The following SLC1A3 variants were observed in gnomAD, a reference collection of about 807,000 sequenced individuals.
SLC1A3 encodes excitatory amino acid transporter 1.
Under a neutral mutation model 48.1 loss-of-function variants are expected in SLC1A3, and 21 were observed. The ratio of observed to expected loss-of-function variants is 0.44; its 90% CI spans 0.31 to 0.63. The LOEUF (loss-of-function observed/expected upper bound fraction) is 0.63, where lower values mean the gene tolerates loss of function less well. SLC1A3 is among the 20% of genes least tolerant of loss of function. The pLI is 0.08. For synonymous variants in SLC1A3, 239 were observed against 251.4 expected (o/e 0.95, Z 0.47); for missense variants, 546 against 689.0 (o/e 0.79, Z 2.32).
At chr5:36,597,715 G>T (rs967020358) in intron 1 of SLC1A3, among the ~76,000 whole-genome samples, 2 of 152,022 alleles carry the variant, frequency 1.3e-5, no homozygotes, top group Admixed American at 6.5e-5. Flanking sequence ...CCCCCTTGCT[G>T]GTCCCCTCAC....
intron 3 of SLC1A3, 34 bp downstream of exon 3, chr5:36,629,621 T>A (rs1338651624): frequency 6.3e-7 from 1 of 1,597,850 alleles, no homozygotes; most frequent in East Asian, 2.2e-5. Context: ...GTTTGGTTTT[T>A]TTTAAGTGTG....
chr5:36,619,136 AC>A (rs1037897986), intron 2 of SLC1A3, among the ~76,000 whole-genome samples: 1 of 152,180 alleles, frequency 6.6e-6, no homozygotes, highest in African/African-American at 2.4e-5. Context: ...AACAGGAAAT[AC>A]CAAAGGACAA....
intron 3 of SLC1A3, among the ~76,000 whole-genome samples, chr5:36,656,728 T>C (rs914913663): frequency 2.0e-5 from 3 of 152,244 alleles, no homozygotes; most frequent in East Asian, 1.9e-4. Flanking sequence ...TTAATTATTC[T>C]CACCTGCTGA....
rs1328200358 is a variant in SLC1A3 at position 36,617,705 on chromosome 5, C to A, written c.181+9101C>A. Among the ~76,000 whole-genome samples the A allele has an allele frequency of 2.6e-5, 4 of 151,990 alleles. No homozygotes were observed. The East Asian group carries it at 7.7e-4, about 29-fold the overall frequency. On this transcript the variant is annotated intron_variant, in intron 2 of 9. Transcript: ENST00000265113. ...CTTGCTTTTTTCACTTTACAATATA[C>A]CTGGGATATTATTCCTTAGCACGTA... is the stretch of plus-strand genomic sequence containing the variant.
chr5:36,661,464 C>CT lies in SLC1A3; in HGVS notation c.320-9557dup, dbSNP rs113785248. Among the ~76,000 whole-genome samples, 259 of 152,224 alleles carry CT rather than the reference C, an allele frequency of 1.7e-3. 5 individuals carry two copies. The highest frequency in any genetic ancestry group is 5.9e-3 in the African/African-American group (245 of 41,530). ...GTGAACATGTTTTATTCACTAGTTG[C>CT]TTTTTTTTCTTTAAAGAAATACATC... On this transcript the variant is annotated intron_variant, in intron 3 of 9. Coordinates refer to ENST00000265113, the MANE Select transcript of SLC1A3 (RefSeq NM_004172.5).
chr5:36,673,873 G>A (rs1240533140), intron 4 of SLC1A3, among the ~76,000 whole-genome samples, 176 bp from the exon 5 acceptor site: 2 of 152,118 alleles, frequency 1.3e-5, no homozygotes, highest in African/African-American at 2.4e-5. Flanking sequence ...AACTACATGG[G>A]CCACACTTAG....
At chr5:36,664,424 T>C (rs113579313) in intron 3 of SLC1A3, among the ~76,000 whole-genome samples, 20,135 of 79,258 alleles carry the variant, frequency 0.25, 1,569 homozygotes, top group Non-Finnish European at 0.39. Context: ...TGAGCCACCA[T>C]GCCCGGCCCA....
Position 36,617,186 on chromosome 5 carries a change from G to A in SLC1A3, c.181+8582G>A, listed in dbSNP as rs74321267. ...CCTTGTCTCCAAAAAAAAAGAAAGC[G>A]GTTTGGTCAGAAAGTGATCTACTCA... On this transcript the variant is annotated intron_variant, in intron 2 of 9. Transcript: ENST00000265113. Among the ~76,000 whole-genome samples the A allele has an allele frequency of 9.7e-3, 1,470 of 152,162 alleles. 13 individuals are homozygous for A. The highest frequency in any genetic ancestry group is 0.016 in the South Asian group (79 of 4,816).
At chr5:36,663,204 T>G (rs1488169973) in intron 3 of SLC1A3, among the ~76,000 whole-genome samples, 2 of 152,040 alleles carry the variant, frequency 1.3e-5, no homozygotes, top group East Asian at 3.9e-4. Context: ...CACTTCATTT[T>G]CTTTTCTTGT....
chr5:36,671,836 A>G (rs1742008994), intron 4 of SLC1A3, among the ~76,000 whole-genome samples: 1 of 152,218 alleles, frequency 6.6e-6, no homozygotes, highest in African/African-American at 2.4e-5. Context: ...AATGAGTTTT[A>G]TCTACTACTT....
At chr5:36,626,203 A>G (rs1739897944) in intron 2 of SLC1A3, among the ~76,000 whole-genome samples, 1 of 152,130 alleles carries the variant, frequency 6.6e-6, no homozygotes, top group East Asian at 1.9e-4. Flanking sequence ...TATCAATGGG[A>G]GTAGAGTTAG....
intron 3 of SLC1A3, among the ~76,000 whole-genome samples, chr5:36,641,932 ATG>A (rs1437208619): frequency 6.6e-6 from 1 of 152,250 alleles, no homozygotes; most frequent in Non-Finnish European, 1.5e-5. Flanking sequence ...AAATCTAAGC[ATG>A]ATTGACAATT....
intron 3 of SLC1A3, among the ~76,000 whole-genome samples, chr5:36,655,438 G>A (rs894919374): frequency 2.6e-5 from 4 of 152,176 alleles, no homozygotes; most frequent in Non-Finnish European, 5.9e-5. Flanking sequence ...CTGCTGACTG[G>A]CTGCCTCCTG....
intron 3 of SLC1A3, among the ~76,000 whole-genome samples, chr5:36,651,364 C>A (rs1254154406): frequency 6.6e-6 from 1 of 152,066 alleles, no homozygotes; most frequent in South Asian, 2.1e-4. Flanking sequence ...TCCGCCTACC[C>A]CACAATCCAG....
At chr5:36,645,868 G>T (rs994853840) in intron 3 of SLC1A3, among the ~76,000 whole-genome samples, 5 of 152,162 alleles carry the variant, frequency 3.3e-5, no homozygotes, top group Admixed American at 1.3e-4. Context: ...TGAATTCCCA[G>T]CAGAGGCTAC....
At chr5:36,607,719 A>G (rs1739010767) in intron 1 of SLC1A3, among the ~76,000 whole-genome samples, 1 of 152,194 alleles carries the variant, frequency 6.6e-6, no homozygotes, top group African/African-American at 2.4e-5. Flanking sequence ...TGAAAAAATT[A>G]CCCTGTAAAA....
At chr5:36,676,871 G>A (rs371492219) in intron 5 of SLC1A3, 21 bp from the exon 6 acceptor site, 83 of 1,591,728 alleles carry the variant, frequency 5.2e-5, no homozygotes, top group Admixed American at 2.6e-4. Context: ...TTTAATCCTC[G>A]TTGTGCTTTT....
intron 2 of SLC1A3, chr5:36,612,714 A>T (rs1379896466): frequency 4.5e-6 from 2 of 446,202 alleles, no homozygotes; most frequent in Non-Finnish European, 9.0e-6. Flanking sequence ...CAACCCAGAG[A>T]GGGAGGTAAT....
intron 2 of SLC1A3, 47 bp downstream of exon 2, chr5:36,608,651 G>A: frequency 6.2e-7 from 1 of 1,606,790 alleles, no homozygotes; most frequent in Non-Finnish European, 8.5e-7. Context: ...TTGTTTCTCT[G>A]GGGCATCTGG....
Sources: allele counts gnomAD v4.1 joint callset (sites outside exome capture counted in the v4.1 genomes callset), GRCh38; gene constraint gnomAD v4.1.1; transcripts MANE v1.5; gene names NCBI Gene and HGNC (gene_info 2026-07-23, HGNC 2026-07-21).